Variants in ESYT2 observed in about 807,000 individuals in gnomAD.
The protein encoded by ESYT2 is extended synaptotagmin 2, also known as extended synaptotagmin-2.
A neutral mutation model predicts 107.2 loss-of-function variants in ESYT2; 54 were observed. The ratio of observed to expected loss-of-function variants is 0.50; its 90% CI spans 0.40 to 0.63. The LOEUF (loss-of-function observed/expected upper bound fraction) is 0.63. Among genes scored for constraint, ESYT2 ranks in the 30% least tolerant of loss-of-function variants. The pLI, the probability that ESYT2 is intolerant of heterozygous loss-of-function variation, is 0.00. For synonymous variants in ESYT2, 491 were observed against 434.1 expected (o/e 1.13, Z -1.63); for missense variants, 1,020 against 1,094.5 (o/e 0.93, Z 0.96).
At chr7:158,784,554 CAGAG>C (rs1192209904) in intron 6 of ESYT2, among the ~76,000 whole-genome samples, 3 of 152,218 alleles carry the variant, frequency 2.0e-5, no homozygotes, top group African/African-American at 7.2e-5. Context: ...AAGCTAGTCT[CAGAG>C]GGAGAGGAAA....
In ESYT2 at chr7:158,763,051, C is replaced by T. The variant is rs184771445; in HGVS notation, c.1184+32G>A. 3.2e-3 allele frequency: 4,866 copies of T among 1,539,938 alleles called. 8 individuals carry two copies. The highest frequency in any genetic ancestry group is 4.1e-3 in the Middle Eastern group (24 of 5,870). ...TAAACAAAAAGACTGACCCCATGCC[C>T]TCCTCCAATAACCACAATGGGCTTT... On this transcript the variant is annotated intron_variant, in intron 10 of 22. Coordinates refer to ENST00000275418, the MANE Select transcript of ESYT2 (RefSeq NM_001367773.1).
chr7:158,829,223 CGAG>C lies in ESYT2; in HGVS notation c.193_195del (p.Leu65del). 15 of 1,529,284 alleles carry C rather than the reference CGAG, an allele frequency of 9.8e-6. No individual in the cohort carries two copies. Among genetic ancestry groups the C allele is most frequent in the Non-Finnish European group, 1.2e-5 (14 of 1,145,938 alleles). The allele number at this position is 1,529,284 out of a possible 1,614,324, so 94.7% of individuals were successfully genotyped here. On this transcript the variant is annotated inframe_deletion, in exon 1 of 23. Transcript: ENST00000275418. ...CGACACCAGGCGAGCAGCGCGAGCG[CGAG>C]GAGAACCCAGCTGAAGCTGAGCCCC...
chr7:158,821,913 A>G (rs912233625), intron 1 of ESYT2, among the ~76,000 whole-genome samples: 4 of 152,182 alleles, frequency 2.6e-5, no homozygotes, highest in African/African-American at 9.7e-5. Flanking sequence ...CCGTAAATTT[A>G]TAACACGCCC....
At chr7:158,745,005 G>A (rs1192347613) in intron 16 of ESYT2, among the ~76,000 whole-genome samples, 1 of 152,212 alleles carries the variant, frequency 6.6e-6, no homozygotes, top group Admixed American at 6.5e-5. Context: ...GGAAAAACCA[G>A]CTAGACAAAA....
At chr7:158,757,648 G>A (rs544557986) in intron 13 of ESYT2, among the ~76,000 whole-genome samples, 4 of 152,236 alleles carry the variant, frequency 2.6e-5, no homozygotes, top group African/African-American at 9.6e-5. Context: ...CCTTAATCCC[G>A]CGCCAGGCAC....
chr7:158,741,294 A>C (rs34277519), intron 18 of ESYT2, among the ~76,000 whole-genome samples: 36,894 of 152,134 alleles, frequency 0.24, 5,318 homozygotes, highest in East Asian at 0.59. Flanking sequence ...ATCACGTTCT[A>C]ATCTTTAATG....
chr7:158,757,382 A>AC (rs1837795568), intron 13 of ESYT2, among the ~76,000 whole-genome samples: 1 of 152,162 alleles, frequency 6.6e-6, no homozygotes, highest in South Asian at 2.1e-4. Context: ...ACTAGTCCCG[A>AC]CGCTCGCCTC....
At chr7:158,808,757 G>A (rs1199031205) in intron 1 of ESYT2, among the ~76,000 whole-genome samples, 3 of 151,122 alleles carry the variant, frequency 2.0e-5, no homozygotes, top group Non-Finnish European at 4.4e-5. Context: ...ATCACTTGAG[G>A]TCAGGAGTTC....
chr7:158,804,698 G>A (rs2129473768), intron 1 of ESYT2, among the ~76,000 whole-genome samples: 1 of 151,688 alleles, frequency 6.6e-6, no homozygotes. Context: ...CAAGGGTGAG[G>A]CGCGTGACAA....
chr7:158,764,547 A>T, intron 9 of ESYT2, 130 bp downstream of exon 9: 4 of 959,190 alleles, frequency 4.2e-6, no homozygotes, highest in Non-Finnish European at 6.3e-6. Context: ...ATGGGAAATT[A>T]AACAAGGAAC....
intron 1 of ESYT2, among the ~76,000 whole-genome samples, chr7:158,822,447 T>C (rs577595134): frequency 1.3e-4 from 20 of 152,290 alleles, no homozygotes; most frequent in Non-Finnish European, 2.9e-4. Flanking sequence ...TAAGCCAATA[T>C]AGTATAGCAT....
chr7:158,759,524 A>T lies in ESYT2; in HGVS notation c.1381T>A (p.Leu461Met). The change falls in exon 13 of 23, where the codon TTG (leucine) becomes ATG (methionine). Residue 461 changes from leucine (L) to methionine (M), a missense_variant. Physicochemically the swap from Leu to Met is conservative, Grantham distance 15 (BLOSUM62 2). Coordinates refer to ENST00000275418, the MANE Select transcript of ESYT2 (RefSeq NM_001367773.1). ...GCTGAATCCAAGTACAAGATCAGCAATGCAGAGGAAAGACCATCGTTGGCT... is the reference window on the plus strand; with the variant it reads ...GCTGAATCCAAGTACAAGATCAGCATTGCAGAGGAAAGACCATCGTTGGCT... ...DQANDGLSSA[L>M]LILYLDSARN... 6.2e-7 allele frequency: 1 copy of T among 1,612,314 alleles called. No individual in the cohort carries two copies. The highest frequency in any genetic ancestry group is 8.5e-7 in the Non-Finnish European group (1 of 1,178,418).
intron 6 of ESYT2, 69 bp downstream of exon 6, chr7:158,787,931 TTATA>T: frequency 1.6e-6 from 2 of 1,264,248 alleles, no homozygotes; most frequent in Admixed American, 3.5e-5. Flanking sequence ...TTTCTCCACT[TTATA>T]TATTCTTCCA....
chr7:158,784,110 A>C (rs987972464), intron 6 of ESYT2, among the ~76,000 whole-genome samples: 1 of 152,170 alleles, frequency 6.6e-6, no homozygotes, highest in African/African-American at 2.4e-5. Flanking sequence ...CCCAGGATGG[A>C]CCAGGACAAC....
intron 1 of ESYT2, among the ~76,000 whole-genome samples, chr7:158,801,747 CTAT>C (rs1282529462): frequency 6.6e-6 from 1 of 152,132 alleles, no homozygotes; most frequent in Non-Finnish European, 1.5e-5. Context: ...ATTCACGTTT[CTAT>C]TATATTTGAG....
intron 1 of ESYT2, among the ~76,000 whole-genome samples, chr7:158,819,241 C>A (rs775267944): frequency 6.6e-6 from 1 of 152,196 alleles, no homozygotes; most frequent in Non-Finnish European, 1.5e-5. Context: ...CTTCCAAGGC[C>A]AGACTTCTGC....
rs201080125 is a variant in ESYT2 at position 158,734,499 on chromosome 7, G to A, written c.2506-28C>T. On this transcript the variant is annotated intron_variant, in intron 21 of 22. Transcript: ENST00000275418. ...GTGGGTTGTTAAAAAAGCAGTTAAA[G>A]TAGGCTGGGCTGGGGGCACTGGCTC... is the stretch of plus-strand genomic sequence containing the variant. 5,783 of 1,606,734 alleles carry A rather than the reference G, an allele frequency of 3.6e-3. 25 individuals are homozygous for A. Among genetic ancestry groups the A allele is most frequent in the Non-Finnish European group, 4.4e-3 (5,192 of 1,176,124 alleles).
chr7:158,761,532 G>T lies in ESYT2; in HGVS notation c.1197C>A (p.Asp399Glu). 1 of 1,613,810 alleles carries T rather than the reference G, an allele frequency of 6.2e-7. No individual in the cohort carries two copies. Among genetic ancestry groups the T allele is most frequent in the East Asian group, 2.2e-5 (1 of 44,882 alleles). ...GGCGCTCCTTTTCAACTTCAATGAG[G>T]TCAATCATAAGACTATAAAAATAAC... ...KDDFLGSLMI[D>E]LIEVEKERLL... The change falls in exon 11 of 23, where the codon GAC (aspartate) becomes GAA (glutamate). Residue 399 changes from aspartate (D) to glutamate (E), a missense_variant. By Grantham distance (45) the Asp-to-Glu change is conservative (BLOSUM62 2). Transcript: ENST00000275418.
chr7:158,805,380 T>C (rs1255780146), intron 1 of ESYT2, among the ~76,000 whole-genome samples: 1 of 152,236 alleles, frequency 6.6e-6, no homozygotes, highest in Non-Finnish European at 1.5e-5. Flanking sequence ...TCCAAATAGT[T>C]GCTTCTACAA....
Sources: gnomAD v4.1 joint callset for allele counts (sites outside exome capture counted in the v4.1 genomes callset) on GRCh38, gnomAD v4.1.1 for gene constraint, MANE v1.5 for transcripts, NCBI Gene and HGNC (gene_info 2026-07-23, HGNC 2026-07-21) for gene names.